The following PLB1 variants were observed in gnomAD, a reference collection of about 807,000 sequenced individuals.
PLB1 encodes phospholipase B1, also known as phospholipase B1, membrane-associated.
PLB1 carries 242 observed loss-of-function variants against 227.4 expected under a neutral mutation model. The observed-to-expected ratio is 1.06, with a 90% CI of 0.96 to 1.18. The LOEUF (loss-of-function observed/expected upper bound fraction) is 1.18. Among genes scored for constraint, PLB1 ranks in the 50% most tolerant of loss-of-function variants. The pLI, the probability that PLB1 is intolerant of heterozygous loss-of-function variation, is 0.00. For missense variants in PLB1, 1,858 were observed against 1,816.3 expected (o/e 1.02, Z -0.42); for synonymous variants, 757 against 682.2 (o/e 1.11, Z -1.71).
Position 28,590,090 on chromosome 2 carries a change from C to G in PLB1, c.2088+14C>G, listed in dbSNP as rs143103958. 79 of 1,598,456 alleles carry G rather than the reference C, an allele frequency of 4.9e-5. No individual in the cohort carries two copies. The African/African-American group carries it at 9.2e-4, about 19-fold the overall frequency. On this transcript the variant is annotated intron_variant, in intron 29 of 57. Transcript: ENST00000327757. ...TGTCCGAACCAGGTAGAGTGGAAAG[C>G]ACGTCCTTCCAGGCTCCGGCTGCAC...
intron 1 of PLB1, among the ~76,000 whole-genome samples, chr2:28,507,494 A>G (rs1459999984): frequency 6.6e-6 from 1 of 152,168 alleles, no homozygotes; most frequent in African/African-American, 2.4e-5. Flanking sequence ...AATGACATTA[A>G]TCCATCTGTG....
At chr2:28,519,643 C>A (rs1176140245) in intron 3 of PLB1, 62 bp from the exon 4 acceptor site, 2 of 1,296,492 alleles carry the variant, frequency 1.5e-6, no homozygotes, top group Admixed American at 1.7e-5. Context: ...CATACGGTAT[C>A]CTTGGCCGAC....
At position 28,529,416 on chromosome 2, in the gene PLB1, C is replaced by T. The variant is rs780423661; in HGVS notation, c.416+9C>T. ...CCCCACGATGGTGCTGAGTAAGTTC[C>T]CTTTCTGTCTCTCTCTGAGGTTATG... On this transcript the variant is annotated intron_variant, in intron 7 of 57. Coordinates refer to ENST00000327757, the MANE Select transcript of PLB1 (RefSeq NM_153021.5). 2 of 1,577,310 alleles carry T rather than the reference C, an allele frequency of 1.3e-6. No individual in the cohort carries two copies. Among genetic ancestry groups the T allele is most frequent in the South Asian group, 1.1e-5 (1 of 90,234 alleles).
At chr2:28,618,426 G>A in intron 46 of PLB1, 27 bp downstream of exon 46, 1 of 1,610,324 alleles carries the variant, frequency 6.2e-7, no homozygotes, top group East Asian at 2.2e-5. Flanking sequence ...GAACCAGGAT[G>A]GGCAGCTCAG....
chr2:28,538,491 G>A (rs1028699165), intron 10 of PLB1, 110 bp downstream of exon 10: 34 of 963,230 alleles, frequency 3.5e-5, no homozygotes, highest in South Asian at 1.4e-4. Flanking sequence ...TGGGACCCTC[G>A]GGAAAGGGGA....
At position 28,639,722 on chromosome 2, in the gene PLB1, C is replaced by T. The variant is rs372939423; in HGVS notation, c.4099-1205C>T. Among the ~76,000 whole-genome samples, 4 of 152,348 alleles carry T rather than the reference C, an allele frequency of 2.6e-5. No homozygotes were observed. In the East Asian group the frequency reaches 7.7e-4, roughly 29 times the overall value. On this transcript the variant is annotated intron_variant, in intron 56 of 57. Transcript: ENST00000327757. The stretch of plus-strand genomic sequence containing the variant: ...GGGAATCAGCCGCGCTGACCTTTAG[C>T]ATTTATTCTGTCACTGTTACGATAG...
At chr2:28,631,553 G>C (rs1419509860) in intron 54 of PLB1, among the ~76,000 whole-genome samples, 2 of 152,148 alleles carry the variant, frequency 1.3e-5, no homozygotes, top group African/African-American at 4.8e-5. Context: ...TTCCATGCTT[G>C]GGTACTTAAA....
chr2:28,626,388 T>C (rs369236368), intron 50 of PLB1, 40 bp from the exon 51 acceptor site: 1 of 1,569,046 alleles, frequency 6.4e-7, no homozygotes, highest in Non-Finnish European at 8.8e-7. Context: ...TGTATGTGCC[T>C]CCCACCAAGG....
intron 2 of PLB1, among the ~76,000 whole-genome samples, chr2:28,518,015 A>G (rs1412063687): frequency 1.3e-5 from 2 of 152,032 alleles, no homozygotes; most frequent in African/African-American, 4.8e-5. Flanking sequence ...CTGGGATTAC[A>G]GGCACACGCC....
intron 49 of PLB1, among the ~76,000 whole-genome samples, chr2:28,623,964 G>T (rs1053919001): frequency 6.6e-6 from 1 of 152,132 alleles, no homozygotes; most frequent in Non-Finnish European, 1.5e-5. Flanking sequence ...GGGCATGGTG[G>T]CATGGACCTG....
At chr2:28,497,381 A>G (rs755620870) in intron 1 of PLB1, among the ~76,000 whole-genome samples, 2 of 152,242 alleles carry the variant, frequency 1.3e-5, no homozygotes, top group African/African-American at 2.4e-5. Context: ...TGTTTGGCCA[A>G]GATTCAAAGG....
Position 28,601,959 on chromosome 2 carries a change from A to T in PLB1, c.2668A>T (p.Arg890Ter). The T allele has an allele frequency of 1.9e-6, 3 of 1,609,828 alleles. No homozygotes were observed. Among genetic ancestry groups the T allele is most frequent in the Non-Finnish European group, 1.7e-6 (2 of 1,176,268 alleles). The change falls in exon 38 of 58, where the codon AGA becomes TGA. Residue 890 changes from arginine to a stop codon, truncating the protein, a stop_gained. Transcript: ENST00000327757. LOFTEE classifies it high-confidence loss of function. The part of the protein sequence containing the change: ...HLRNALDVLH[R>*]EVPRVLVNLV... ...CCGCAATGCCTTGGACGTCCTGCATAGAGAGGTGGGTGGGGGGCTTCCACA... is the reference window on the plus strand; with the variant it reads ...CCGCAATGCCTTGGACGTCCTGCATTGAGAGGTGGGTGGGGGGCTTCCACA...
Position 28,591,688 on chromosome 2 carries a change from C to A in PLB1, c.2128-12C>A. On this transcript the variant is annotated splice_polypyrimidine_tract_variant and intron_variant, in intron 30 of 57. Transcript: ENST00000327757. ...CAACCCTGAGATTCTGGGATTTGTT[C>A]TATGCCCTTAGGGTCATGGGACCTG... is the stretch of plus-strand genomic sequence containing the variant. 6.2e-7 allele frequency: 1 copy of A among 1,613,668 alleles called. No individual in the cohort carries two copies. The highest frequency in any genetic ancestry group is 8.5e-7 in the Non-Finnish European group (1 of 1,179,776).
At chr2:28,560,214 T>G (rs1340919745) in intron 17 of PLB1, among the ~76,000 whole-genome samples, 3 of 152,112 alleles carry the variant, frequency 2.0e-5, no homozygotes, top group Non-Finnish European at 4.4e-5. Flanking sequence ...ATTTCAATAA[T>G]TTAGTGCAGC....
At position 28,614,077 on chromosome 2, in the gene PLB1, C is replaced by G. The variant is rs771033338; in HGVS notation, c.3176C>G (p.Pro1059Arg). Reference sequence around the variant, plus strand: ...CCTCGGAATAGTAACTACACGTACCCCATCAAGCCAGCCATTGAGGTAACC... The same window carrying G: ...CCTCGGAATAGTAACTACACGTACCGCATCAAGCCAGCCATTGAGGTAACC... The part of the protein sequence containing the change: ...RTPRNSNYTY[P>R]IKPAIENWGS... Residue 1059 changes from proline (P) to arginine (R), a missense_variant, in exon 44 of 58, where the codon CCC (proline) becomes CGC (arginine). Pro to Arg is a moderately radical substitution (Grantham distance 103). Coordinates refer to ENST00000327757, the MANE Select transcript of PLB1 (RefSeq NM_153021.5). The G allele has an allele frequency of 1.2e-6, 2 of 1,612,942 alleles. No homozygotes were observed. Among genetic ancestry groups the G allele is most frequent in the Admixed American group, 1.7e-5 (1 of 59,976 alleles).
At chr2:28,521,094 T>G (rs1318908584) in intron 4 of PLB1, among the ~76,000 whole-genome samples, 1 of 152,258 alleles carries the variant, frequency 6.6e-6, no homozygotes, top group Non-Finnish European at 1.5e-5. Context: ...TTCATCCATA[T>G]GCCAGATTTC....
Position 28,628,492 on chromosome 2 carries a change from C to G in PLB1, c.3661-71C>G, listed in dbSNP as rs1006322984. The G allele has an allele frequency of 1.6e-5, 22 of 1,395,716 alleles. No individual in the cohort carries two copies. The Admixed American group carries it at 2.2e-4, about 14-fold the overall frequency. 86.5% of individuals were successfully genotyped at this position (1,395,716 alleles called of 1,614,324 possible). A position where few individuals can be genotyped will look rare whatever the true frequency, so the allele number is the denominator to read the frequency against. On this transcript the variant is annotated intron_variant, in intron 51 of 57. Coordinates refer to ENST00000327757, the MANE Select transcript of PLB1 (RefSeq NM_153021.5). ...AGTCATTTAGCCCAGGCCCCAGAGC[C>G]CTCCTATGCTCTTGCCATTCTCTCA... is the stretch of plus-strand genomic sequence containing the variant.
At chr2:28,525,849 T>A in intron 5 of PLB1, 56 bp from the exon 6 acceptor site, 1 of 1,599,036 alleles carries the variant, frequency 6.3e-7, no homozygotes, top group Non-Finnish European at 8.6e-7. Context: ...GGGGAAGGGC[T>A]ATTGGCAGGT....
chr2:28,561,965 G>T (rs910224898), intron 17 of PLB1, among the ~76,000 whole-genome samples: 2 of 152,018 alleles, frequency 1.3e-5, no homozygotes, highest in Admixed American at 6.6e-5. Flanking sequence ...CAAAATAGAA[G>T]AAGCCAAACA....
Sources: gnomAD v4.1 joint callset for allele counts (sites outside exome capture counted in the v4.1 genomes callset) on GRCh38, gnomAD v4.1.1 for gene constraint, MANE v1.5 for transcripts, NCBI Gene and HGNC (gene_info 2026-07-23, HGNC 2026-07-21) for gene names.